CACNA2D3: variants seen among roughly 807,000 people sequenced by gnomAD.
CACNA2D3 encodes the protein calcium voltage-gated channel auxiliary subunit alpha2delta 3.
In CACNA2D3, 60 loss-of-function variants were observed where a neutral mutation model predicts 160.6. That is an observed-to-expected ratio of 0.37 (90% CI 0.30 to 0.46). The LOEUF is 0.46. Ranked by LOEUF, CACNA2D3 falls within the 20% of genes least tolerant of loss-of-function variation. The pLI is 1.00. For synonymous variants in CACNA2D3, 558 were observed against 492.9 expected, an observed-to-expected ratio of 1.13 and a Z score of -1.75; for missense variants, 1,205 against 1,365.0, an observed-to-expected ratio of 0.88 and a Z score of 1.85.
At chr3:54,351,068 A>ACC (rs1698556201) in intron 3 of CACNA2D3, among the ~76,000 whole-genome samples, 1 of 127,002 alleles carries the variant, frequency 7.9e-6, no homozygotes, top group East Asian at 2.4e-4. Flanking sequence ...TGCAACCTCC[A>ACC]CCTCCTGGGC....
chr3:54,462,341 T>G (rs1465436302), intron 4 of CACNA2D3, among the ~76,000 whole-genome samples: 4 of 152,118 alleles, frequency 2.6e-5, no homozygotes, highest in Non-Finnish European at 5.9e-5. Flanking sequence ...TTGTTAACTT[T>G]GTCTCGCTGA....
intron 3 of CACNA2D3, among the ~76,000 whole-genome samples, chr3:54,352,896 T>C (rs1222935087): frequency 6.6e-6 from 1 of 152,198 alleles, no homozygotes; most frequent in Non-Finnish European, 1.5e-5. Context: ...ATAGTAGGTG[T>C]AAATATTTAT....
At chr3:54,504,262 CT>C (rs1184956131) in intron 5 of CACNA2D3, among the ~76,000 whole-genome samples, 1 of 152,090 alleles carries the variant, frequency 6.6e-6, no homozygotes, top group Non-Finnish European at 1.5e-5. Flanking sequence ...CACATAAACT[CT>C]AGAGTTTATT....
At chr3:54,303,452 C>T (rs576201408) in intron 2 of CACNA2D3, among the ~76,000 whole-genome samples, 27 of 152,264 alleles carry the variant, frequency 1.8e-4, no homozygotes, top group Middle Eastern at 3.4e-3. Context: ...TTTGACTGGA[C>T]GAGTGCATAT....
At chr3:54,754,940 A>G (rs761001667) in intron 12 of CACNA2D3, among the ~76,000 whole-genome samples, 2 of 152,198 alleles carry the variant, frequency 1.3e-5, no homozygotes, top group Admixed American at 6.5e-5. Context: ...CTTGGGTCTC[A>G]CAAGGGAGAA....
At chr3:54,835,083 T>C (rs151299891) in intron 14 of CACNA2D3, among the ~76,000 whole-genome samples, 84 of 152,322 alleles carry the variant, frequency 5.5e-4, no homozygotes, top group African/African-American at 1.9e-3. Context: ...CCTAGCCAAG[T>C]TGACACATAA....
At position 54,376,285 on chromosome 3, in the gene CACNA2D3, C is replaced by T. The variant is rs575877374; in HGVS notation, c.322-10430C>T. 6.9e-4 allele frequency among the ~76,000 whole-genome samples: 105 copies of T among 152,332 alleles called. 1 individual carries two copies. The highest frequency in any genetic ancestry group is 2.8e-4 in the Non-Finnish European group (19 of 68,040). On this transcript the variant is annotated intron_variant, in intron 3 of 37. Transcript: ENST00000474759. ...AGCCTTTGCTGCTCCTTCGCCGTCA[C>T]CTCTCTCAGTCACCTGGCTAACTTC...
intron 4 of CACNA2D3, among the ~76,000 whole-genome samples, chr3:54,409,880 A>G: frequency 6.6e-6 from 1 of 152,238 alleles, no homozygotes; most frequent in East Asian, 1.9e-4. Context: ...GAAGGAAGCC[A>G]TCTGTATAAC....
Position 54,360,964 on chromosome 3 carries a change from G to T in CACNA2D3, c.322-25751G>T, listed in dbSNP as rs980665857. On this transcript the variant is annotated intron_variant, in intron 3 of 37. Coordinates refer to ENST00000474759, the MANE Select transcript of CACNA2D3 (RefSeq NM_018398.3). ...TGTAGCGTTTCAATGGTGTTAGAGT[G>T]TTTGAGAGTCTATATAGTAAAAATT... Among the ~76,000 whole-genome samples, 46 of 152,130 alleles carry T rather than the reference G, an allele frequency of 3.0e-4. 1 individual carries two copies. Among genetic ancestry groups the T allele is most frequent in the Admixed American group, 2.7e-3 (42 of 15,280 alleles).
intron 4 of CACNA2D3, among the ~76,000 whole-genome samples, chr3:54,498,981 A>G (rs1701246298): frequency 6.6e-6 from 1 of 152,104 alleles, no homozygotes; most frequent in Admixed American, 6.6e-5. Context: ...TTATCAGAGA[A>G]CATAGTATGT....
intron 3 of CACNA2D3, among the ~76,000 whole-genome samples, chr3:54,359,714 A>G (rs1251016604): frequency 6.6e-6 from 1 of 152,212 alleles, no homozygotes; most frequent in Non-Finnish European, 1.5e-5. Flanking sequence ...GTCTTGCAGT[A>G]AAGGAATCTG....
At chr3:54,410,283 G>A (rs1015327341) in intron 4 of CACNA2D3, among the ~76,000 whole-genome samples, 28 of 152,132 alleles carry the variant, frequency 1.8e-4, no homozygotes, top group Non-Finnish European at 4.4e-5. Flanking sequence ...GAACCCGGGA[G>A]GTGGAGGATG....
At chr3:54,593,461 A>G (rs183184876) in intron 9 of CACNA2D3, among the ~76,000 whole-genome samples, 1 of 152,096 alleles carries the variant, frequency 6.6e-6, no homozygotes, top group Admixed American at 6.5e-5. Context: ...ATAAAGGAAC[A>G]GAGGGAGGGA....
chr3:54,124,854 C>A (rs1409220790), intron 2 of CACNA2D3, among the ~76,000 whole-genome samples: 1 of 152,196 alleles, frequency 6.6e-6, no homozygotes. Flanking sequence ...ACAGTTGAGG[C>A]TACGAAATGC....
intron 11 of CACNA2D3, among the ~76,000 whole-genome samples, chr3:54,726,083 G>T (rs1575443267): frequency 6.6e-6 from 1 of 152,154 alleles, no homozygotes; most frequent in African/African-American, 2.4e-5. Context: ...CAAAATCAAT[G>T]TGCAGAAATC....
chr3:54,575,470 A>G lies in CACNA2D3; in HGVS notation c.888+5366A>G, dbSNP rs181982176. Among the ~76,000 whole-genome samples the G allele has an allele frequency of 2.0e-3, 310 of 151,936 alleles. 1 individual carries two copies. The highest frequency in any genetic ancestry group is 3.4e-3 in the Middle Eastern group (1 of 294). Reference sequence around the variant, plus strand: ...CTTTCCATCAGTGATCTTCTCTGCAATTTTGCCTTTTTGTTTCTTTGTTCT... The same window carrying G: ...CTTTCCATCAGTGATCTTCTCTGCAGTTTTGCCTTTTTGTTTCTTTGTTCT... On this transcript the variant is annotated intron_variant, in intron 8 of 37. Transcript: ENST00000474759.
At chr3:54,884,610 A>G (rs988772447) in intron 21 of CACNA2D3, among the ~76,000 whole-genome samples, 2 of 152,210 alleles carry the variant, frequency 1.3e-5, no homozygotes, top group Admixed American at 1.3e-4. Context: ...GTGCAATGAA[A>G]CAGTTATCCT....
At chr3:54,393,048 A>G (rs557674494) in intron 4 of CACNA2D3, among the ~76,000 whole-genome samples, 8 of 152,332 alleles carry the variant, frequency 5.3e-5, no homozygotes, top group African/African-American at 1.9e-4. Flanking sequence ...AAGTGCATCA[A>G]AGGAGTAACA....
At chr3:54,255,504 A>C (rs937534312) in intron 2 of CACNA2D3, among the ~76,000 whole-genome samples, 2 of 152,150 alleles carry the variant, frequency 1.3e-5, no homozygotes, top group Admixed American at 6.5e-5. Flanking sequence ...TTGGTGTATG[A>C]TCATCATCTC....
Sources: allele counts gnomAD v4.1 joint callset (sites outside exome capture counted in the v4.1 genomes callset), GRCh38; gene constraint gnomAD v4.1.1; transcripts MANE v1.5; gene names NCBI Gene and HGNC (gene_info 2026-07-23, HGNC 2026-07-21).